The following CCDC102B variants were observed in gnomAD, a reference collection of about 807,000 sequenced individuals.
CCDC102B encodes coiled-coil domain-containing protein 102B.
In CCDC102B, 75 loss-of-function variants were observed where a neutral mutation model predicts 57.4. That is an observed-to-expected ratio of 1.31 (90% CI 1.08 to 1.58). The LOEUF (loss-of-function observed/expected upper bound fraction) is 1.58, where lower values mean the gene tolerates loss of function less well. CCDC102B is among the 40% of genes most tolerant of loss of function. CCDC102B has a pLI of 0.00. For synonymous variants in CCDC102B, 206 were observed against 201.9 expected (o/e 1.02, Z -0.17); for missense variants, 636 against 582.6 (o/e 1.09, Z -0.94).
chr18:68,963,317 T>C (rs1331413763), intron 6 of CCDC102B, among the ~76,000 whole-genome samples: 1 of 151,950 alleles, frequency 6.6e-6, no homozygotes, highest in Non-Finnish European at 1.5e-5. Context: ...TAAAAGGCAA[T>C]ACATGGATTG....
chr18:68,873,679 T>A (rs1345760910), intron 4 of CCDC102B, among the ~76,000 whole-genome samples: 1 of 152,078 alleles, frequency 6.6e-6, no homozygotes, highest in Non-Finnish European at 1.5e-5. Context: ...GACTAGTACA[T>A]GCTTAATATT....
intron 2 of CCDC102B, among the ~76,000 whole-genome samples, chr18:68,723,124 C>T (rs1340752176): frequency 6.6e-6 from 1 of 151,968 alleles, no homozygotes; most frequent in South Asian, 2.1e-4. Flanking sequence ...AGAATGGGTG[C>T]CCAGCAAGGT....
chr18:68,837,120 A>G lies in CCDC102B; in HGVS notation c.357A>G (p.Glu119=). 1 of 1,614,172 alleles carries G rather than the reference A, an allele frequency of 6.2e-7. No individual in the cohort carries two copies. The highest frequency in any genetic ancestry group is 8.5e-7 in the Non-Finnish European group (1 of 1,180,024). Residue 119 remains glutamate (E), a synonymous_variant, in exon 2 of 8, where the codon GAA becomes GAG. Coordinates refer to ENST00000360242, the MANE Select transcript of CCDC102B (RefSeq NM_024781.3). ...CTGAAAGGAACAGTGCCAGGGAGGAAGGAAGACAACTCAGAATAAAACTAG... is the reference window on the plus strand; with the variant it reads ...CTGAAAGGAACAGTGCCAGGGAGGAGGGAAGACAACTCAGAATAAAACTAG... ...VRAERNSARE[E]GRQLRIKLEM...
In CCDC102B at chr18:69,050,403, C is replaced by G. The variant is rs531616067; in HGVS notation, c.1435-3627C>G. 2.6e-5 allele frequency among the ~76,000 whole-genome samples: 4 copies of G among 152,266 alleles called. No homozygotes were observed. In the East Asian group the frequency reaches 7.7e-4, roughly 29 times the overall value. On this transcript the variant is annotated intron_variant, in intron 7 of 7. Coordinates refer to ENST00000360242, the MANE Select transcript of CCDC102B (RefSeq NM_024781.3). ...GGATATTCTGCCTTTAAGATGACTTCTGCACTTTAGATATTAAGTGCTCAT... is the reference window on the plus strand; with the variant it reads ...GGATATTCTGCCTTTAAGATGACTTGTGCACTTTAGATATTAAGTGCTCAT...
intron 5 of CCDC102B, among the ~76,000 whole-genome samples, chr18:68,885,066 T>G (rs2039833650): frequency 6.6e-6 from 1 of 151,790 alleles, no homozygotes; most frequent in South Asian, 2.1e-4. Flanking sequence ...CTATCTAATA[T>G]CCAAACAGCA....
intron 2 of CCDC102B, among the ~76,000 whole-genome samples, chr18:68,749,576 TTGTC>T (rs1213847879): frequency 1.3e-5 from 2 of 152,150 alleles, no homozygotes; most frequent in African/African-American, 4.8e-5. Flanking sequence ...GGCTCTCTGT[TTGTC>T]TGTTATTGGT....
rs148933420 is a variant in CCDC102B at position 68,995,335 on chromosome 18, C to A, written c.1264-15599C>A. ...GTAACAAGGAGCTGAATGTTAATTG[C>A]CAAAACAATGGGGAGAATGTCTCCA... On this transcript the variant is annotated intron_variant, in intron 6 of 7. Transcript: ENST00000360242. 3.6e-3 allele frequency among the ~76,000 whole-genome samples: 541 copies of A among 152,212 alleles called. 3 individuals are homozygous for A. The highest frequency in any genetic ancestry group is 0.013 in the African/African-American group (520 of 41,544).
rs560258860 is a variant in CCDC102B, at chr18:69,030,489, A to C, written c.1434+19385A>C. Among the ~76,000 whole-genome samples the C allele has an allele frequency of 2.6e-5, 4 of 152,332 alleles. No individual in the cohort carries two copies. The East Asian group carries it at 7.7e-4, about 29-fold the overall frequency. The stretch of plus-strand genomic sequence containing the variant: ...GAACTCAGAAGCTTAAATATAATTC[A>C]ACAAATAATAAGTTGTTCATTTTTA... On this transcript the variant is annotated intron_variant, in intron 7 of 7. Transcript: ENST00000360242.
At chr18:68,799,383 T>C (rs938167077) in intron 1 of CCDC102B, among the ~76,000 whole-genome samples, 10 of 152,178 alleles carry the variant, frequency 6.6e-5, no homozygotes, top group Non-Finnish European at 1.2e-4. Flanking sequence ...TCATATGTTA[T>C]CATTGGATTC....
chr18:68,790,155 C>G (rs1028159419), intron 2 of CCDC102B, among the ~76,000 whole-genome samples: 4 of 150,958 alleles, frequency 2.6e-5, no homozygotes, highest in Admixed American at 6.6e-5. Flanking sequence ...GGTCAGGGGT[C>G]AGGGACCCAC....
chr18:68,892,116 T>G (rs2040100341), intron 5 of CCDC102B, among the ~76,000 whole-genome samples: 1 of 152,228 alleles, frequency 6.6e-6, no homozygotes, highest in Non-Finnish European at 1.5e-5. Context: ...ATTTGTCTTA[T>G]GATTCTTTGA....
chr18:68,749,870 G>A (rs1599405982), intron 2 of CCDC102B, among the ~76,000 whole-genome samples: 4 of 152,214 alleles, frequency 2.6e-5, no homozygotes, highest in Non-Finnish European at 2.9e-5. Flanking sequence ...ATAGGCATGG[G>A]CAAGGACTTC....
intron 3 of CCDC102B, among the ~76,000 whole-genome samples, chr18:68,843,403 G>T (rs1251326632): frequency 6.6e-6 from 1 of 151,926 alleles, no homozygotes; most frequent in Non-Finnish European, 1.5e-5. Flanking sequence ...TTTATTCCTA[G>T]ATATTAATTT....
intron 2 of CCDC102B, chr18:68,754,273 T>A (rs975833763): frequency 6.6e-6 from 1 of 152,130 alleles, no homozygotes; most frequent in African/African-American, 2.4e-5. Flanking sequence ...ATTAAAAAAA[T>A]ACAGAAAAAT....
chr18:69,031,842 A>G (rs527310168), intron 7 of CCDC102B, among the ~76,000 whole-genome samples: 1 of 152,308 alleles, frequency 6.6e-6, no homozygotes, highest in South Asian at 2.1e-4. Context: ...CAAAAGAGTT[A>G]CCAAATCATT....
chr18:68,739,187 G>GT (rs1184505450), intron 2 of CCDC102B, among the ~76,000 whole-genome samples: 1 of 152,030 alleles, frequency 6.6e-6, no homozygotes, highest in African/African-American at 2.4e-5. Flanking sequence ...GTAGAGACGG[G>GT]TTTTCGCTGT....
chr18:68,962,122 T>C (rs1398919531), intron 6 of CCDC102B, among the ~76,000 whole-genome samples: 1 of 152,158 alleles, frequency 6.6e-6, no homozygotes, highest in Non-Finnish European at 1.5e-5. Context: ...TCTAATGTAT[T>C]GTAGCATATA....
chr18:68,816,723 C>CA (rs1238104264), intron 1 of CCDC102B, among the ~76,000 whole-genome samples: 2 of 152,162 alleles, frequency 1.3e-5, no homozygotes, highest in African/African-American at 4.8e-5. Flanking sequence ...CTCGGCGTCT[C>CA]AAAGTGTTGG....
chr18:69,050,806 C>T (rs1440921259), intron 7 of CCDC102B, among the ~76,000 whole-genome samples: 5 of 151,846 alleles, frequency 3.3e-5, no homozygotes, highest in East Asian at 1.9e-4. Flanking sequence ...TACCTTATTT[C>T]GATCAGGAAA....
Sources: allele counts gnomAD v4.1 joint callset (sites outside exome capture counted in the v4.1 genomes callset), GRCh38; gene constraint gnomAD v4.1.1; transcripts MANE v1.5; gene names NCBI Gene and HGNC (gene_info 2026-07-23, HGNC 2026-07-21).